Variants in NALF1 observed in about 807,000 individuals in gnomAD.
NALF1 encodes the protein family with sequence similarity 155 member A.
Under a neutral mutation model 48.4 loss-of-function variants are expected in NALF1, and 3 were observed. The ratio of observed to expected loss-of-function variants is 0.06; its 90% CI spans 0.03 to 0.16. The LOEUF (loss-of-function observed/expected upper bound fraction) is 0.16. Ranked by LOEUF, NALF1 falls within the 10% of genes least tolerant of loss-of-function variation. The pLI is 1.00. For missense variants in NALF1, 526 were observed against 571.5 expected, an observed-to-expected ratio of 0.92 and a Z score of 0.81; for synonymous variants, 262 against 245.7, an observed-to-expected ratio of 1.07 and a Z score of -0.62.
At chr13:107,525,704 G>A (rs151112612) in intron 1 of NALF1, among the ~76,000 whole-genome samples, 1,873 of 152,044 alleles carry the variant, frequency 0.012, 22 homozygotes, top group Middle Eastern at 0.037. Flanking sequence ...TTTTTCCAAC[G>A]TGGCTCTACT....
chr13:107,591,158 T>A (rs1878592868), intron 1 of NALF1, among the ~76,000 whole-genome samples: 1 of 151,914 alleles, frequency 6.6e-6, no homozygotes, highest in Non-Finnish European at 1.5e-5. Flanking sequence ...ACTCAATAGT[T>A]TCGTGATGCC....
rs528715142 is a variant in NALF1 at position 107,737,935 on chromosome 13, C to T, written c.915+127747G>A. On this transcript the variant is annotated intron_variant, in intron 1 of 2. Transcript: ENST00000375915. ...AGAAGGGTATTAAAACATGTGAAATCACTTGGAAAACACATATTTTTTTCA... is the reference window on the plus strand; with the variant it reads ...AGAAGGGTATTAAAACATGTGAAATTACTTGGAAAACACATATTTTTTTCA... Among the ~76,000 whole-genome samples the T allele has an allele frequency of 3.3e-5, 5 of 152,198 alleles. No homozygotes were observed. In the South Asian group the frequency reaches 1.0e-3, roughly 32 times the overall value.
chr13:107,705,947 G>C (rs976257553), intron 1 of NALF1, among the ~76,000 whole-genome samples: 1 of 152,124 alleles, frequency 6.6e-6, no homozygotes, highest in Non-Finnish European at 1.5e-5. Context: ...ATTTAAGAGA[G>C]AGAGAGAGAG....
At chr13:107,269,287 G>T (rs2138861197) in intron 1 of NALF1, among the ~76,000 whole-genome samples, 1 of 152,296 alleles carries the variant, frequency 6.6e-6, no homozygotes, top group Non-Finnish European at 1.5e-5. Flanking sequence ...TGATGGTGAT[G>T]TGGCTGGAGG....
intron 1 of NALF1, among the ~76,000 whole-genome samples, chr13:107,648,828 A>G (rs918803179): frequency 2.6e-5 from 4 of 152,202 alleles, no homozygotes; most frequent in Non-Finnish European, 5.9e-5. Context: ...GTTTATTCAC[A>G]TCCTTGCCAG....
intron 1 of NALF1, among the ~76,000 whole-genome samples, chr13:107,371,751 G>C (rs937377903): frequency 6.6e-6 from 1 of 152,296 alleles, no homozygotes; most frequent in Admixed American, 6.5e-5. Context: ...AAAAAGATTA[G>C]TAATTAACCT....
chr13:107,178,900 C>G (rs534662068), intron 2 of NALF1, among the ~76,000 whole-genome samples: 24 of 151,800 alleles, frequency 1.6e-4, no homozygotes, highest in Admixed American at 1.3e-3. Flanking sequence ...AGCCGCGATC[C>G]CGCCACTGCA....
At chr13:107,170,928 A>G (rs1422845079) in intron 2 of NALF1, 142 bp from the exon 3 acceptor site, 19 of 722,114 alleles carry the variant, frequency 2.6e-5, no homozygotes, top group Non-Finnish European at 3.6e-5. Flanking sequence ...AAGTCAATGC[A>G]ATTGGATAAA....
At chr13:107,820,524 A>G (rs1188082691) in intron 1 of NALF1, among the ~76,000 whole-genome samples, 3 of 152,192 alleles carry the variant, frequency 2.0e-5, no homozygotes, top group Non-Finnish European at 4.4e-5. Flanking sequence ...CAAGGTACTG[A>G]CATGCAAACT....
intron 1 of NALF1, among the ~76,000 whole-genome samples, chr13:107,814,328 C>T (rs942558014): frequency 2.0e-5 from 3 of 152,168 alleles, no homozygotes; most frequent in African/African-American, 7.2e-5. Context: ...CAGTCGCACA[C>T]GGAGGCTGTA....
intron 1 of NALF1, among the ~76,000 whole-genome samples, chr13:107,236,689 CTATCTATCTATCT>C (rs893741159): frequency 3.4e-5 from 5 of 145,068 alleles, no homozygotes; most frequent in African/African-American, 1.1e-4. Context: ...ATCTATCTAT[CTATCTATCTATCT>C]ATCTATCTAT....
intron 1 of NALF1, among the ~76,000 whole-genome samples, chr13:107,456,415 T>C (rs2139039335): frequency 6.6e-6 from 1 of 152,354 alleles, no homozygotes; most frequent in South Asian, 2.1e-4. Context: ...TAAGAAGTCA[T>C]TGCTAGGGAC....
intron 1 of NALF1, among the ~76,000 whole-genome samples, chr13:107,457,127 C>A (rs1884836881): frequency 6.6e-6 from 1 of 151,980 alleles, no homozygotes; most frequent in African/African-American, 2.4e-5. Context: ...CTTAGCTTTT[C>A]CATTCAAGAT....
At chr13:107,717,166 C>G (rs1194873387) in intron 1 of NALF1, among the ~76,000 whole-genome samples, 2 of 152,172 alleles carry the variant, frequency 1.3e-5, no homozygotes, top group Non-Finnish European at 2.9e-5. Context: ...ACCCTTCCCT[C>G]ATTAATTCTA....
chr13:107,350,416 A>G (rs1882852811), intron 1 of NALF1, among the ~76,000 whole-genome samples: 1 of 152,246 alleles, frequency 6.6e-6, no homozygotes, highest in Non-Finnish European at 1.5e-5. Flanking sequence ...ATTCTTTTTA[A>G]GAGTTAACAA....
At chr13:107,721,819 T>A (rs1875994607) in intron 1 of NALF1, among the ~76,000 whole-genome samples, 1 of 152,202 alleles carries the variant, frequency 6.6e-6, no homozygotes, top group African/African-American at 2.4e-5. Flanking sequence ...GAGAGGGAAC[T>A]GCAGCGCGGT....
intron 1 of NALF1, among the ~76,000 whole-genome samples, chr13:107,319,975 C>T (rs922251970): frequency 6.6e-6 from 1 of 152,082 alleles, no homozygotes; most frequent in African/African-American, 2.4e-5. Flanking sequence ...GTACTTGTGA[C>T]ACACCAAAGT....
chr13:107,861,832 G>T (rs1158911165), intron 1 of NALF1, among the ~76,000 whole-genome samples: 1 of 146,470 alleles, frequency 6.8e-6, no homozygotes, highest in African/African-American at 2.6e-5. Flanking sequence ...TTTAAGAAAT[G>T]CATTTTTTTT....
chr13:107,579,480 G>A (rs2138409130), intron 1 of NALF1, among the ~76,000 whole-genome samples: 1 of 152,320 alleles, frequency 6.6e-6, no homozygotes, highest in African/African-American at 2.4e-5. Flanking sequence ...ACAGAGCAAA[G>A]AGAAAAGCAA....
Sources: allele counts gnomAD v4.1 joint callset (sites outside exome capture counted in the v4.1 genomes callset), GRCh38; gene constraint gnomAD v4.1.1; transcripts MANE v1.5; gene names NCBI Gene and HGNC (gene_info 2026-07-23, HGNC 2026-07-21).